DSC3: variants seen among roughly 807,000 people sequenced by gnomAD.
DSC3 encodes the protein desmocollin-3.
A neutral mutation model predicts 89.5 loss-of-function variants in DSC3; 97 were observed. The ratio of observed to expected loss-of-function variants is 1.08; its 90% CI spans 0.92 to 1.28. The LOEUF is 1.28. Among genes scored for constraint, DSC3 ranks in the 50% most tolerant of loss-of-function variants. The probability of loss-of-function intolerance (pLI) is 0.00; values close to 1 mark genes in which losing one functional copy is unlikely to be tolerated. For synonymous variants in DSC3, 436 were observed against 384.1 expected, an observed-to-expected ratio of 1.14 and a Z score of -1.58; for missense variants, 1,199 against 1,085.3, an observed-to-expected ratio of 1.10 and a Z score of -1.47.
intron 1 of DSC3, among the ~76,000 whole-genome samples, chr18:31,036,858 T>A (rs1021498640): frequency 7.1e-6 from 1 of 140,050 alleles, no homozygotes; most frequent in Non-Finnish European, 1.5e-5. Context: ...AGTGGTGCGA[T>A]CTCAGCTCAC....
chr18:31,011,092 G>A (rs1399502533), intron 9 of DSC3, among the ~76,000 whole-genome samples: 1 of 152,180 alleles, frequency 6.6e-6, no homozygotes, highest in African/African-American at 2.4e-5. Flanking sequence ...ATTTAACATA[G>A]TGCTTGACAG....
In DSC3 at chr18:30,994,381, T is replaced by C. The variant is rs745744813; in HGVS notation, c.2494-9A>G. 6.2e-7 allele frequency: 1 copy of C among 1,612,904 alleles called. No homozygotes were observed. Among genetic ancestry groups the C allele is most frequent in the African/African-American group, 1.3e-5 (1 of 74,876 alleles). ...TTACATCGATGCAATTTCTGTAAAA[T>C]TTTTTAAAAAATGAATTGCATTATA... On this transcript the variant is annotated splice_polypyrimidine_tract_variant and intron_variant, in intron 15 of 15. Transcript: ENST00000360428.
Position 31,014,862 on chromosome 18 carries a change from C to A in DSC3, c.1263+3209G>T, listed in dbSNP as rs1023648147. ...CAGGTTTGTGTTCCGGGGTGGATCG[C>A]TAATATATGCTTGACTTTGAGGAAG... On this transcript the variant is annotated intron_variant, in intron 9 of 15. Coordinates refer to ENST00000360428, the MANE Select transcript of DSC3 (RefSeq NM_001941.5). 5.0e-4 allele frequency among the ~76,000 whole-genome samples: 76 copies of A among 151,900 alleles called. 1 individual carries two copies. The highest frequency in any genetic ancestry group is 1.8e-3 in the African/African-American group (75 of 41,352).
At chr18:31,004,451 C>T (rs760200406) in intron 12 of DSC3, 85 bp from the exon 13 acceptor site, 75 of 1,285,466 alleles carry the variant, frequency 5.8e-5, no homozygotes, top group South Asian at 2.6e-4. Flanking sequence ...TTTTTGAAGG[C>T]GTCATTCTCA....
intron 14 of DSC3, among the ~76,000 whole-genome samples, chr18:30,999,257 A>T (rs1984574728): frequency 1.3e-5 from 2 of 152,194 alleles, no homozygotes; most frequent in African/African-American, 4.8e-5. Context: ...GTCTTTAACT[A>T]AATTGAAAGA....
intron 1 of DSC3, among the ~76,000 whole-genome samples, chr18:31,041,022 C>A (rs1174348223): frequency 6.6e-6 from 1 of 151,940 alleles, no homozygotes; most frequent in African/African-American, 2.4e-5. Flanking sequence ...AAATCTTAAA[C>A]GAGTATGTGC....
chr18:30,997,098 G>T (rs182577886), intron 14 of DSC3, 50 bp from the exon 15 acceptor site: 2 of 1,606,718 alleles, frequency 1.2e-6, no homozygotes, highest in South Asian at 2.2e-5. Context: ...TGGATTCTAA[G>T]TTGTCATGAG....
chr18:31,003,583 C>T (rs2144684615), intron 13 of DSC3, among the ~76,000 whole-genome samples: 1 of 152,284 alleles, frequency 6.6e-6, no homozygotes, highest in East Asian at 1.9e-4. Context: ...GGTCACATGG[C>T]TTACAAGCAA....
intron 12 of DSC3, 43 bp downstream of exon 12, chr18:31,006,864 C>A (rs1211058799): frequency 6.9e-7 from 1 of 1,439,530 alleles, no homozygotes; most frequent in Non-Finnish European, 9.6e-7. Flanking sequence ...TCCAGTTATT[C>A]TGTTATTTCA....
In DSC3 at chr18:31,018,237, T is replaced by C. The variant is rs1467084608; in HGVS notation, c.1097A>G (p.Glu366Gly). Residue 366 changes from glutamate (E) to glycine (G), a missense_variant, in exon 9 of 16, where the codon GAA becomes GGA. Glu to Gly is a moderately conservative substitution (Grantham distance 98). Transcript: ENST00000360428. ...RQNAYEAFVE[E>G]NAFNVEILRI... ...TAAGATTTCCACATTGAATGCATTT[T>C]CCTCTACAAATGCTTCATACTGAAA... 1 of 1,611,152 alleles carries C rather than the reference T, an allele frequency of 6.2e-7. No homozygotes were observed. The highest frequency in any genetic ancestry group is 8.5e-7 in the Non-Finnish European group (1 of 1,178,770).
At chr18:30,995,832 T>A (rs1464085252) in intron 15 of DSC3, among the ~76,000 whole-genome samples, 1 of 150,114 alleles carries the variant, frequency 6.7e-6, no homozygotes, top group Admixed American at 6.6e-5. Context: ...TTTATCCAGG[T>A]GTGGTGGTGT....
At chr18:30,996,115 AC>A (rs1489816588) in intron 15 of DSC3, among the ~76,000 whole-genome samples, 1 of 151,762 alleles carries the variant, frequency 6.6e-6, no homozygotes, top group East Asian at 1.9e-4. Context: ...AAAGCACTTT[AC>A]ATTCGCATGG....
At chr18:31,012,903 T>C (rs1985117996) in intron 9 of DSC3, among the ~76,000 whole-genome samples, 1 of 152,176 alleles carries the variant, frequency 6.6e-6, no homozygotes, top group Admixed American at 6.5e-5. Flanking sequence ...AGAAAAATGC[T>C]AATTCTCTCC....
intron 4 of DSC3, among the ~76,000 whole-genome samples, chr18:31,027,560 A>G (rs957730846): frequency 1.3e-5 from 2 of 151,470 alleles, no homozygotes; most frequent in Non-Finnish European, 2.9e-5. Flanking sequence ...TTGTGTTACA[A>G]AATAAGATAC....
In DSC3 at chr18:31,030,989, A is replaced by C; in HGVS notation, c.338T>G (p.Leu113Arg). Residue 113 changes from leucine (L) to arginine (R), a missense_variant, in exon 3 of 16, where the codon CTA (leucine) becomes CGA (arginine). Physicochemically the swap from Leu to Arg is moderately radical, Grantham distance 102. Transcript: ENST00000360428. Reference sequence around the variant, plus strand: ...TTTAAATACCTTCTTCTGATGTTCTAGCAGCACAGTAACCTCTTTCTGTGT... The same window carrying C: ...TTTAAATACCTTCTTCTGATGTTCTCGCAGCACAGTAACCTCTTTCTGTGT... ...KQTQKEVTVL[L>R]EHQKKVSKTR... The C allele has an allele frequency of 6.2e-7, 1 of 1,613,840 alleles. No homozygotes were observed. The highest frequency in any genetic ancestry group is 8.5e-7 in the Non-Finnish European group (1 of 1,179,764).
At chr18:31,025,623 G>A in intron 5 of DSC3, 137 bp downstream of exon 5, 1 of 930,190 alleles carries the variant, frequency 1.1e-6, no homozygotes, top group Admixed American at 2.1e-5. Flanking sequence ...CCAAAATGTT[G>A]CACATTCTAT....
chr18:31,017,240 G>A (rs1449831461), intron 9 of DSC3, among the ~76,000 whole-genome samples: 1 of 152,136 alleles, frequency 6.6e-6, no homozygotes. Context: ...AGGAGCCTTG[G>A]AAATTTTTAC....
chr18:31,000,550 T>C (rs1259190217), intron 14 of DSC3, among the ~76,000 whole-genome samples: 3 of 152,190 alleles, frequency 2.0e-5, no homozygotes, highest in Non-Finnish European at 2.9e-5. Flanking sequence ...TATCTCCCAC[T>C]TGTTTCTTAA....
intron 7 of DSC3, among the ~76,000 whole-genome samples, chr18:31,020,131 A>G (rs1985369240): frequency 6.6e-6 from 1 of 152,198 alleles, no homozygotes; most frequent in African/African-American, 2.4e-5. Context: ...AAAGTCCAAA[A>G]GGCACCTGGA....
Sources: allele counts gnomAD v4.1 joint callset (sites outside exome capture counted in the v4.1 genomes callset), GRCh38; gene constraint gnomAD v4.1.1; transcripts MANE v1.5; gene names NCBI Gene and HGNC (gene_info 2026-07-23, HGNC 2026-07-21).